Variants in ZNF248 observed in about 807,000 individuals in gnomAD.
ZNF248 encodes KRAB protein domain.
A neutral mutation model predicts 44.3 loss-of-function variants in ZNF248; 20 were observed. The ratio of observed to expected loss-of-function variants is 0.45; its 90% CI spans 0.32 to 0.66. The LOEUF is 0.66. ZNF248 is among the 30% of genes least tolerant of loss of function. The probability of loss-of-function intolerance (pLI) is 0.04; values close to 1 mark genes in which losing one functional copy is unlikely to be tolerated. For synonymous variants in ZNF248, 224 were observed against 229.0 expected (o/e 0.98, Z 0.20); for missense variants, 654 against 677.0 (o/e 0.97, Z 0.38).
chr10:37,808,032 T>C (rs1208686), intron 6 of ZNF248, among the ~76,000 whole-genome samples: 9,107 of 152,230 alleles, frequency 0.06, 351 homozygotes, highest in Middle Eastern at 0.095. Flanking sequence ...CACATGTTGA[T>C]TTATCACATG....
chr10:37,775,200 T>C (rs1235110371), downstream of ZNF248, among the ~76,000 whole-genome samples: 1 of 151,932 alleles, frequency 6.6e-6, no homozygotes, highest in Non-Finnish European at 1.5e-5. Flanking sequence ...AAAACTATTA[T>C]AATTATCTTG....
chr10:37,849,851 T>C (rs1342138363), intron 3 of ZNF248, among the ~76,000 whole-genome samples: 1 of 151,892 alleles, frequency 6.6e-6, no homozygotes, highest in Non-Finnish European at 1.5e-5. Context: ...GGCATGTGGA[T>C]CACAAGGTCA....
chr10:37,847,803 T>C (rs990811574), intron 3 of ZNF248, among the ~76,000 whole-genome samples: 5 of 152,204 alleles, frequency 3.3e-5, no homozygotes, highest in Non-Finnish European at 7.3e-5. Flanking sequence ...GTGAGAGAAC[T>C]CTGAGCTGAT....
At chr10:37,825,362 A>G (rs1179426424), downstream of ZNF248, among the ~76,000 whole-genome samples, 1 of 152,154 alleles carries the variant, frequency 6.6e-6, no homozygotes, top group Admixed American at 6.5e-5. Context: ...TTATCATGTT[A>G]TATTAGTAAG....
At chr10:37,808,265 T>C (rs1407236693) in intron 6 of ZNF248, among the ~76,000 whole-genome samples, 1 of 151,230 alleles carries the variant, frequency 6.6e-6, no homozygotes, top group Admixed American at 6.6e-5. Context: ...GGTCATGGTA[T>C]ATAACCTTTT....
chr10:37,764,357 T>TTATCAGGAGGC, the ZNF248 span, among the ~76,000 whole-genome samples: 1 of 152,188 alleles, frequency 6.6e-6, no homozygotes, highest in Non-Finnish European at 1.5e-5. Flanking sequence ...AAACCCTGTC[T>TTATCAGGAGGC]CCTGATAAGA....
intron 6 of ZNF248, among the ~76,000 whole-genome samples, chr10:37,797,270 C>T (rs933238518): frequency 6.7e-6 from 1 of 148,938 alleles, no homozygotes; most frequent in Non-Finnish European, 1.5e-5. Flanking sequence ...AGTTGGACCC[C>T]CTACCTCATG....
At chr10:37,811,158 T>C (rs902524739) in intron 6 of ZNF248, among the ~76,000 whole-genome samples, 1 of 152,236 alleles carries the variant, frequency 6.6e-6, no homozygotes, top group Admixed American at 6.5e-5. Flanking sequence ...GATTGCTTAA[T>C]ATGTACTTTA....
At chr10:37,838,132 T>C in intron 3 of ZNF248, 21 bp from the exon 4 acceptor site, 1 of 1,601,148 alleles carries the variant, frequency 6.2e-7, no homozygotes, top group Non-Finnish European at 8.5e-7. Flanking sequence ...ATACTCTTTT[T>C]ACATGAAATG....
downstream of ZNF248, among the ~76,000 whole-genome samples, chr10:37,827,365 T>C (rs950959532): frequency 4.6e-5 from 7 of 152,176 alleles, no homozygotes; most frequent in Admixed American, 2.6e-4. Flanking sequence ...CCCCATTCTG[T>C]AGACAAAGAA....
chr10:37,811,457 TA>T (rs1018148938), intron 6 of ZNF248, among the ~76,000 whole-genome samples: 1 of 151,262 alleles, frequency 6.6e-6, no homozygotes, highest in Non-Finnish European at 1.5e-5. Flanking sequence ...AAATAAAAAA[TA>T]AAAAAAACCA....
intron 6 of ZNF248, among the ~76,000 whole-genome samples, chr10:37,782,529 A>C (rs1435161689): frequency 6.6e-6 from 1 of 152,114 alleles, no homozygotes; most frequent in African/African-American, 2.4e-5. Context: ...TCAAGTCCTA[A>C]CACACGGTAC....
chr10:37,845,024 GT>G (rs1386950213), intron 3 of ZNF248, among the ~76,000 whole-genome samples: 2 of 40,520 alleles, frequency 4.9e-5, no homozygotes, highest in East Asian at 9.3e-4. Context: ...TTTCTTTCTT[GT>G]TTTTTTGGAG....
intron 6 of ZNF248, among the ~76,000 whole-genome samples, chr10:37,776,952 A>G (rs564705243): frequency 6.6e-6 from 1 of 152,320 alleles, no homozygotes; most frequent in African/African-American, 2.4e-5. Context: ...TAAATAAAAG[A>G]GCTAATGAGA....
chr10:37,820,775 A>G (rs2053334248), intron 6 of ZNF248: 17 of 1,219,184 alleles, frequency 1.4e-5, no homozygotes, highest in Non-Finnish European at 2.1e-5. Context: ...CTTTTGTTAA[A>G]TCTGATGTAC....
At chr10:37,816,313 CAG>C (rs2052457810) in intron 6 of ZNF248, among the ~76,000 whole-genome samples, 1 of 152,248 alleles carries the variant, frequency 6.6e-6, no homozygotes, top group Non-Finnish European at 1.5e-5. Flanking sequence ...AAGGAGCAAT[CAG>C]TGACTAGAGC....
chr10:37,851,376 GTATCGGCCATT>G (rs1203810212), intron 3 of ZNF248, among the ~76,000 whole-genome samples: 1 of 152,194 alleles, frequency 6.6e-6, no homozygotes, highest in Non-Finnish European at 1.5e-5. Context: ...AAACTAGCCT[GTATCGGCCATT>G]TATTTGCTTT....
At chr10:37,835,906 A>G (rs1367875908) in intron 5 of ZNF248, among the ~76,000 whole-genome samples, 3 of 152,202 alleles carry the variant, frequency 2.0e-5, no homozygotes, top group Admixed American at 6.5e-5. Context: ...CCAATCTCTT[A>G]GTCAAAAACA....
the ZNF248 span, among the ~76,000 whole-genome samples, chr10:37,768,318 T>C: frequency 6.6e-6 from 1 of 152,198 alleles, no homozygotes; most frequent in Non-Finnish European, 1.5e-5. Flanking sequence ...ATCTACAGAA[T>C]ATACATTTGT....
Sources: allele counts gnomAD v4.1 joint callset (sites outside exome capture counted in the v4.1 genomes callset), GRCh38; gene constraint gnomAD v4.1.1; transcripts MANE v1.5; gene names NCBI Gene and HGNC (gene_info 2026-07-23, HGNC 2026-07-21).